The following C1orf105 variants were observed in gnomAD, a reference collection of about 807,000 sequenced individuals.
The protein encoded by C1orf105 is uncharacterized protein C1orf105.
In C1orf105, 17 loss-of-function variants were observed where a neutral mutation model predicts 20.8. The observed-to-expected ratio is 0.82, with a 90% CI of 0.56 to 1.23. The LOEUF (loss-of-function observed/expected upper bound fraction) is 1.23, where lower values mean the gene tolerates loss of function less well. C1orf105 is among the 50% of genes most tolerant of loss of function. The probability of loss-of-function intolerance (pLI) is 0.00; values close to 1 mark genes in which losing one functional copy is unlikely to be tolerated. For synonymous variants in C1orf105, 72 were observed against 72.1 expected, an observed-to-expected ratio of 1.00 and a Z score of 0.01; for missense variants, 219 against 213.5, an observed-to-expected ratio of 1.03 and a Z score of -0.16.
chr1:172,428,727 T>C, intron 1 of C1orf105: 1 of 648,784 alleles, frequency 1.5e-6, no homozygotes, highest in South Asian at 1.7e-5. Context: ...TTATGTTTAT[T>C]ATCTATCTCC....
At chr1:172,424,432 C>T (rs959058265) in intron 1 of C1orf105, among the ~76,000 whole-genome samples, 1 of 152,182 alleles carries the variant, frequency 6.6e-6, no homozygotes, top group African/African-American at 2.4e-5. Context: ...GCTCTGTCAC[C>T]CAGGCTGGAG....
intron 5 of C1orf105, among the ~76,000 whole-genome samples, chr1:172,464,072 A>C (rs1196048491): frequency 2.0e-5 from 3 of 152,254 alleles, no homozygotes; most frequent in African/African-American, 7.2e-5. Context: ...GTTTTTTAAA[A>C]AGTGACTTTA....
chr1:172,434,406 T>G (rs1291883108), intron 1 of C1orf105, among the ~76,000 whole-genome samples: 1 of 152,196 alleles, frequency 6.6e-6, no homozygotes, highest in Non-Finnish European at 1.5e-5. Flanking sequence ...AAACTGTCTC[T>G]CAGACCACAG....
Position 172,445,124 on chromosome 1 carries a change from G to A in C1orf105, c.73G>A (p.Val25Ile). Residue 25 changes from valine to isoleucine, a missense_variant, in exon 2 of 7, where the codon GTA (valine) becomes ATA (isoleucine). Coordinates refer to ENST00000367727, the MANE Select transcript of C1orf105 (RefSeq NM_139240.4). ...KIPWLSEASLVNKPLVLSLPR... is the reference protein window; with the variant it reads ...KIPWLSEASLINKPLVLSLPR... ...TCCTTGGCTTAGTGAGGCCAGCCTT[G>A]TAAACAAGCCATTAGTGCTCAGCCT... 6.2e-7 allele frequency: 1 copy of A among 1,613,456 alleles called. No homozygotes were observed. Among genetic ancestry groups the A allele is most frequent in the Non-Finnish European group, 8.5e-7 (1 of 1,179,776 alleles).
chr1:172,422,413 C>G (rs2071615172), intron 1 of C1orf105, among the ~76,000 whole-genome samples: 1 of 152,080 alleles, frequency 6.6e-6, no homozygotes, highest in Non-Finnish European at 1.5e-5. Context: ...AGGGAAGGAC[C>G]CAGTCTTGGC....
At chr1:172,464,067 T>C (rs1483385081) in intron 5 of C1orf105, among the ~76,000 whole-genome samples, 1 of 152,230 alleles carries the variant, frequency 6.6e-6, no homozygotes, top group Non-Finnish European at 1.5e-5. Flanking sequence ...TTGTGGTTTT[T>C]TAAAAAGTGA....
intron 2 of C1orf105, among the ~76,000 whole-genome samples, chr1:172,445,501 A>G (rs192534677): frequency 6.6e-6 from 1 of 152,300 alleles, no homozygotes. Flanking sequence ...TCACATTTTT[A>G]CCATCAAAAG....
intron 2 of C1orf105, among the ~76,000 whole-genome samples, chr1:172,445,435 A>T (rs1162636380): frequency 6.6e-6 from 1 of 152,090 alleles, no homozygotes; most frequent in Non-Finnish European, 1.5e-5. Context: ...GTCTCTCAAA[A>T]CACTTCCATC....
At chr1:172,456,759 A>C (rs891100515) in intron 4 of C1orf105, among the ~76,000 whole-genome samples, 6 of 152,162 alleles carry the variant, frequency 3.9e-5, no homozygotes, top group African/African-American at 1.4e-4. Context: ...CTCCTAAGTA[A>C]CTACAGCCTC....
At chr1:172,448,378 C>T in intron 2 of C1orf105, 63 bp from the exon 3 acceptor site, 1 of 1,135,514 alleles carries the variant, frequency 8.8e-7, no homozygotes, top group East Asian at 2.4e-5. Context: ...CAGAAACAAC[C>T]AAGGGCCTGG....
chr1:172,422,575 G>A (rs991209130), intron 1 of C1orf105, among the ~76,000 whole-genome samples: 56 of 151,892 alleles, frequency 3.7e-4, no homozygotes, highest in Non-Finnish European at 8.8e-5. Flanking sequence ...TGGCTACGAG[G>A]AGAGACCACT....
intron 5 of C1orf105, among the ~76,000 whole-genome samples, chr1:172,463,191 A>G (rs1286425260): frequency 6.6e-6 from 1 of 152,264 alleles, no homozygotes; most frequent in African/African-American, 2.4e-5. Context: ...CAGGACATCA[A>G]CACAGGTCAA....
At chr1:172,460,774 C>G (rs1649636226) in intron 4 of C1orf105, among the ~76,000 whole-genome samples, 1 of 151,942 alleles carries the variant, frequency 6.6e-6, no homozygotes, top group South Asian at 2.1e-4. Flanking sequence ...AGTGAAGGGG[C>G]AGTGAAAGTA....
In C1orf105 at chr1:172,449,148, G is replaced by A. The variant is rs149610634; in HGVS notation, c.198+617G>A. ...AGCAGCGTCCTAAGGCACTCGACAC[G>A]GTGCCCCACCCAGAGCAAGAGCTCA... On this transcript the variant is annotated intron_variant, in intron 3 of 6. Coordinates refer to ENST00000367727, the MANE Select transcript of C1orf105 (RefSeq NM_139240.4). Among the ~76,000 whole-genome samples the A allele has an allele frequency of 3.4e-3, 521 of 152,280 alleles. 4 individuals are homozygous for A. Among genetic ancestry groups the A allele is most frequent in the African/African-American group, 0.012 (486 of 41,550 alleles).
In C1orf105 at chr1:172,443,981, C is replaced by T. The variant is rs1181431130; in HGVS notation, c.22-1092C>T. On this transcript the variant is annotated intron_variant, in intron 1 of 6. Transcript: ENST00000367727. ...GAAACACTGACCGTTACACGGAACC[C>T]ACCTACCCGAGAGTTCCTAGGGTTG... The T allele has an allele frequency of 8.0e-6, 8 of 1,000,160 alleles. No individual in the cohort carries two copies. In the African/African-American group the frequency reaches 1.2e-4, roughly 15 times the overall value. The allele number at this position is 1,000,160 out of a possible 1,614,324, so 62.0% of individuals were successfully genotyped here.
At chr1:172,464,029 T>C (rs1437542696) in intron 5 of C1orf105, among the ~76,000 whole-genome samples, 1 of 152,194 alleles carries the variant, frequency 6.6e-6, no homozygotes, top group East Asian at 1.9e-4. Flanking sequence ...ACTGCATATA[T>C]AGGCAAATGG....
chr1:172,444,330 G>C, intron 1 of C1orf105: 1 of 982,992 alleles, frequency 1.0e-6, no homozygotes, highest in Non-Finnish European at 1.2e-6. Context: ...CAGTAGGTGA[G>C]AGATAATGGC....
intron 5 of C1orf105, 42 bp downstream of exon 5, chr1:172,462,287 T>C: frequency 7.0e-7 from 1 of 1,426,960 alleles, no homozygotes; most frequent in Non-Finnish European, 9.8e-7. Context: ...TAATTCTTGT[T>C]ATGTCTGAGG....
intron 1 of C1orf105, chr1:172,442,343 G>A: frequency 6.2e-7 from 1 of 1,613,182 alleles, no homozygotes; most frequent in Non-Finnish European, 8.5e-7. Flanking sequence ...TACCCAATCA[G>A]TGAAGAAGCC....
Sources: gnomAD v4.1 joint callset for allele counts (sites outside exome capture counted in the v4.1 genomes callset) on GRCh38, gnomAD v4.1.1 for gene constraint, MANE v1.5 for transcripts, NCBI Gene and HGNC (gene_info 2026-07-23, HGNC 2026-07-21) for gene names.